PCNX1: variants seen among roughly 807,000 people sequenced by gnomAD.
The protein encoded by PCNX1 is pecanex 1.
Under a neutral mutation model 242.2 loss-of-function variants are expected in PCNX1, and 78 were observed. The ratio of observed to expected loss-of-function variants is 0.32; its 90% CI spans 0.27 to 0.39. The LOEUF (loss-of-function observed/expected upper bound fraction) is 0.39, where lower values mean the gene tolerates loss of function less well. Among genes scored for constraint, PCNX1 ranks in the 10% least tolerant of loss-of-function variants. The pLI is 1.00. For missense variants in PCNX1, 2,581 were observed against 2,856.5 expected, an observed-to-expected ratio of 0.90 and a Z score of 2.20; for synonymous variants, 1,024 against 1,032.9, an observed-to-expected ratio of 0.99 and a Z score of 0.17.
At chr14:70,955,383 A>G in intron 2 of PCNX1, among the ~76,000 whole-genome samples, 1 of 152,196 alleles carries the variant, frequency 6.6e-6, no homozygotes, top group East Asian at 1.9e-4. Context: ...CCTTATTCTT[A>G]TGAGCATCAT....
At chr14:71,109,380 T>TA in intron 34 of PCNX1, 72 bp from the exon 35 acceptor site, 1 of 1,345,196 alleles carries the variant, frequency 7.4e-7, no homozygotes, top group South Asian at 1.3e-5. Context: ...TGAAAAGCAT[T>TA]TTGTTTGAGA....
At chr14:71,028,159 G>A (rs1474815720) in intron 15 of PCNX1, among the ~76,000 whole-genome samples, 1 of 151,728 alleles carries the variant, frequency 6.6e-6, no homozygotes, top group Non-Finnish European at 1.5e-5. Context: ...GCTATTGTTA[G>A]CAATTAGAGC....
At chr14:70,908,558 G>T (rs2055678049) in intron 1 of PCNX1, among the ~76,000 whole-genome samples, 1 of 152,236 alleles carries the variant, frequency 6.6e-6, no homozygotes, top group Admixed American at 6.5e-5. Flanking sequence ...TGTGGGGGTC[G>T]TCCGGGCTCG....
At position 71,102,567 on chromosome 14, in the gene PCNX1, T is replaced by C. The variant is rs1336302879; in HGVS notation, c.5820+347T>C. 3.3e-5 allele frequency among the ~76,000 whole-genome samples: 5 copies of C among 152,226 alleles called. No homozygotes were observed. In the East Asian group the frequency reaches 7.7e-4, roughly 24 times the overall value. The stretch of plus-strand genomic sequence containing the variant: ...AGGTGTGAGCCACCACGCCCAGCCT[T>C]GATGTAAACTTTTAAAAAGTAATTG... On this transcript the variant is annotated intron_variant, in intron 31 of 35. Transcript: ENST00000304743.
chr14:71,083,831 G>A (rs1277648421), intron 28 of PCNX1, among the ~76,000 whole-genome samples: 1 of 152,106 alleles, frequency 6.6e-6, no homozygotes, highest in East Asian at 1.9e-4. Flanking sequence ...TATTACCCAT[G>A]TTCTGAAGCC....
chr14:70,948,508 C>A (rs1008156230), intron 2 of PCNX1, among the ~76,000 whole-genome samples: 17 of 151,894 alleles, frequency 1.1e-4, no homozygotes, highest in African/African-American at 3.9e-4. Flanking sequence ...AATTATTCAG[C>A]ATGGCTTATA....
At chr14:70,927,922 G>C (rs1056849009) in intron 1 of PCNX1, among the ~76,000 whole-genome samples, 1 of 151,910 alleles carries the variant, frequency 6.6e-6, no homozygotes, top group Non-Finnish European at 1.5e-5. Flanking sequence ...TCAGCTTGCG[G>C]TTTCTTCTAC....
At position 70,947,103 on chromosome 14, in the gene PCNX1, A is replaced by G; in HGVS notation, c.342A>G (p.Arg114=). The G allele has an allele frequency of 8.7e-6, 14 of 1,611,388 alleles. No individual in the cohort carries two copies. The highest frequency in any genetic ancestry group is 1.2e-5 in the Non-Finnish European group (14 of 1,178,504). ...KAEQGNCSTR[R]KDSNGPSDPG... ...AACAAGGCAACTGTTCAACCAGGAG[A>G]AAAGACAGCAATGGACCGAGGTAAG... The change falls in exon 2 of 36, where the codon AGA becomes AGG. Residue 114 remains arginine (R), a synonymous_variant. Coordinates refer to ENST00000304743, the MANE Select transcript of PCNX1 (RefSeq NM_014982.3).
chr14:70,986,629 A>G (rs569282885), intron 6 of PCNX1, among the ~76,000 whole-genome samples: 5 of 152,212 alleles, frequency 3.3e-5, no homozygotes, highest in East Asian at 1.9e-4. Context: ...CCTGTTCTGT[A>G]TGATTACGTA....
intron 2 of PCNX1, among the ~76,000 whole-genome samples, chr14:70,955,197 A>G (rs1474995728): frequency 6.6e-6 from 1 of 152,254 alleles, no homozygotes; most frequent in African/African-American, 2.4e-5. Context: ...GGATTTGAAT[A>G]CAAACATTTG....
intron 6 of PCNX1, among the ~76,000 whole-genome samples, chr14:70,979,695 T>C (rs1469974649): frequency 6.6e-6 from 1 of 152,132 alleles, no homozygotes; most frequent in Non-Finnish European, 1.5e-5. Context: ...CATATGAATA[T>C]ATGCTTTTTC....
chr14:71,045,268 C>G lies in PCNX1; in HGVS notation c.4003C>G (p.Gln1335Glu). ...HPLLKTLEYNQYEVRNAATMM... is the reference protein window; with the variant it reads ...HPLLKTLEYNEYEVRNAATMM... ...TCTGCTAAAGACACTAGAGTATAAT[C>G]AGTATGAAGTTCGAAGTAAGTATTT... Residue 1335 changes from glutamine to glutamate, a missense_variant, in exon 20 of 36, where the codon CAG (glutamine) becomes GAG (glutamate). Around this residue, in one of 9 missense-constraint regions of PCNX1, gnomAD observed 432 missense variants for 443.1 expected, o/e 0.97. Coordinates refer to ENST00000304743, the MANE Select transcript of PCNX1 (RefSeq NM_014982.3). 6.2e-7 allele frequency: 1 copy of G among 1,604,960 alleles called. No individual in the cohort carries two copies. The highest frequency in any genetic ancestry group is 8.5e-7 in the Non-Finnish European group (1 of 1,176,938).
chr14:70,949,411 ATATG>A (rs2057684015), intron 2 of PCNX1, among the ~76,000 whole-genome samples: 1 of 151,474 alleles, frequency 6.6e-6, no homozygotes, highest in South Asian at 2.1e-4. Flanking sequence ...GTGTACATAT[ATATG>A]TACATATATA....
chr14:71,087,794 C>A (rs937947825), intron 28 of PCNX1, among the ~76,000 whole-genome samples: 4 of 152,092 alleles, frequency 2.6e-5, no homozygotes, highest in Non-Finnish European at 4.4e-5. Context: ...GGAGACTTAG[C>A]AGCTTCTTTC....
intron 22 of PCNX1, chr14:71,049,148 AAAT>A (rs761672054): frequency 4.2e-5 from 34 of 819,234 alleles, no homozygotes; most frequent in Non-Finnish European, 1.0e-5. Flanking sequence ...AATATAAAGT[AAAT>A]AATCTTTGAA....
chr14:70,995,494 G>A (rs940072708), intron 7 of PCNX1, among the ~76,000 whole-genome samples: 22 of 152,004 alleles, frequency 1.4e-4, no homozygotes, highest in African/African-American at 5.1e-4. Context: ...GAAAAAAGTC[G>A]CAGATTGACC....
intron 1 of PCNX1, among the ~76,000 whole-genome samples, chr14:70,914,759 A>G (rs534991152): frequency 1.6e-4 from 25 of 152,192 alleles, no homozygotes; most frequent in Non-Finnish European, 3.5e-4. Context: ...AAATTAAGTT[A>G]CACTTCTATA....
intron 2 of PCNX1, among the ~76,000 whole-genome samples, chr14:70,958,164 A>G (rs1172072995): frequency 1.3e-5 from 2 of 152,178 alleles, no homozygotes; most frequent in Non-Finnish European, 2.9e-5. Context: ...GAGTATTTGT[A>G]TACTGAATTG....
intron 28 of PCNX1, among the ~76,000 whole-genome samples, chr14:71,085,152 C>T (rs2061953239): frequency 6.6e-6 from 1 of 152,228 alleles, no homozygotes; most frequent in Non-Finnish European, 1.5e-5. Context: ...CCTGCTTCGG[C>T]TTGCCCTCTG....
Sources: gnomAD v4.1 joint callset for allele counts (sites outside exome capture counted in the v4.1 genomes callset) on GRCh38, gnomAD v4.1.1 for gene constraint, gnomAD v4.1.1 regional missense constraint, MANE v1.5 for transcripts, NCBI Gene and HGNC (gene_info 2026-07-23, HGNC 2026-07-21) for gene names.